STAT5B: variants seen among roughly 807,000 people sequenced by gnomAD.
The protein encoded by STAT5B is signal transducer and activator of transcription 5B, also known as transcription factor STAT5B.
Under a neutral mutation model 107.8 loss-of-function variants are expected in STAT5B, and 21 were observed. The ratio of observed to expected loss-of-function variants is 0.19; its 90% CI spans 0.14 to 0.28. STAT5B has a LOEUF of 0.28. Ranked by LOEUF, STAT5B falls within the 10% of genes least tolerant of loss-of-function variation. The pLI, the probability that STAT5B is intolerant of heterozygous loss-of-function variation, is 1.00. For missense variants in STAT5B, 565 were observed against 1,008.2 expected, an observed-to-expected ratio of 0.56 and a Z score of 5.95; for synonymous variants, 325 against 401.7, an observed-to-expected ratio of 0.81 and a Z score of 2.28.
chr17:42,262,995 TATATATATATATATATATATAA>T (rs1481203933), intron 1 of STAT5B, among the ~76,000 whole-genome samples: 2,938 of 68,860 alleles, frequency 0.043, 262 homozygotes, highest in East Asian at 0.25. Flanking sequence ...TATATATATA[TATATATATATATATATATATAA>T]AAAAACAAAA....
chr17:42,239,962 C>G (rs1399668845), intron 1 of STAT5B, among the ~76,000 whole-genome samples: 2 of 152,106 alleles, frequency 1.3e-5, no homozygotes, highest in Non-Finnish European at 2.9e-5. Flanking sequence ...CCCATCTCTA[C>G]TAAAAATTAA....
At chr17:42,230,506 C>T (rs1282632718) in intron 2 of STAT5B, among the ~76,000 whole-genome samples, 3 of 152,108 alleles carry the variant, frequency 2.0e-5, no homozygotes. Context: ...TGCTGTTAGT[C>T]GACTGCACTG....
In STAT5B at chr17:42,200,425, CAGA is replaced by C. The variant is rs1174494692; in HGVS notation, c.*1310_*1312del. The C allele has an allele frequency of 1.2e-4, 18 of 152,714 alleles. 1 individual carries two copies. Among genetic ancestry groups the C allele is most frequent in the South Asian group, 8.3e-4 (4 of 4,826 alleles). 9.5% of individuals were successfully genotyped at this position (152,714 alleles called of 1,614,324 possible). ...ATTCCTTCCTTCTGGTGTAAAGCTA[CAGA>C]AGAAGTCGTGGAACAAAATTATACC... On this transcript the variant is annotated 3_prime_UTR_variant, in exon 19 of 19. Coordinates refer to ENST00000293328, the MANE Select transcript of STAT5B (RefSeq NM_012448.4).
At position 42,202,437 on chromosome 17, in the gene STAT5B, C is replaced by T. The variant is rs752593400; in HGVS notation, c.2140G>A (p.Ala714Thr). ...CTGCCGCCCCCGGCATCTGCAGATG[C>T]GTTCACAAACCTGCAGAAGGAAGAG... is the stretch of plus-strand genomic sequence containing the variant. Reference protein sequence around the residue: ...IKQVVPEFVNASADAGGGSAT... With the variant: ...IKQVVPEFVNTSADAGGGSAT... The change falls in exon 18 of 19, where the codon GCA becomes ACA. Residue 714 changes from alanine to threonine, a missense_variant. Physicochemically the swap from Ala to Thr is moderately conservative, Grantham distance 58. Around this residue, in one of 11 missense-constraint regions of STAT5B, gnomAD observed 76 missense variants for 110.2 expected, o/e 0.69. Coordinates refer to ENST00000293328, the MANE Select transcript of STAT5B (RefSeq NM_012448.4). 17 of 1,614,032 alleles carry T rather than the reference C, an allele frequency of 1.1e-5. No homozygotes were observed. The highest frequency in any genetic ancestry group is 6.7e-5 in the Admixed American group (4 of 60,004).
chr17:42,285,396 G>T, the STAT5B span, among the ~76,000 whole-genome samples: 1 of 152,134 alleles, frequency 6.6e-6, no homozygotes, highest in African/African-American at 2.4e-5. Context: ...CTAGCCTGGG[G>T]AATATATTTC....
the STAT5B span, among the ~76,000 whole-genome samples, chr17:42,282,817 A>G: frequency 1.3e-5 from 2 of 152,266 alleles, no homozygotes; most frequent in South Asian, 4.1e-4. Flanking sequence ...CACTAACCCT[A>G]GGAAAGATGA....
intron 5 of STAT5B, among the ~76,000 whole-genome samples, chr17:42,222,075 G>A (rs111374125): frequency 0.011 from 1,571 of 143,366 alleles, 20 homozygotes; most frequent in African/African-American, 0.037. Context: ...GCTGTGTGTG[G>A]TGTGTGTGTG....
the STAT5B span, among the ~76,000 whole-genome samples, chr17:42,284,565 C>T: frequency 6.6e-6 from 1 of 152,228 alleles, no homozygotes; most frequent in Non-Finnish European, 1.5e-5. Context: ...CCATGCCCGG[C>T]CCTTTGGGAT....
intron 1 of STAT5B, among the ~76,000 whole-genome samples, chr17:42,261,221 T>C (rs1208351877): frequency 6.6e-6 from 1 of 152,122 alleles, no homozygotes; most frequent in Non-Finnish European, 1.5e-5. Flanking sequence ...AAACATAATT[T>C]TGAATTAAAC....
At chr17:42,257,445 T>C (rs1292208993) in intron 1 of STAT5B, among the ~76,000 whole-genome samples, 1 of 152,336 alleles carries the variant, frequency 6.6e-6, no homozygotes, top group South Asian at 2.1e-4. Context: ...AACCAGAACA[T>C]CTGTTCATCC....
the STAT5B span, among the ~76,000 whole-genome samples, chr17:42,282,706 A>C: frequency 1.3e-5 from 2 of 152,204 alleles, no homozygotes; most frequent in South Asian, 2.1e-4. Flanking sequence ...GAGGATGCTT[A>C]GATCCAAGAG....
intron 1 of STAT5B, among the ~76,000 whole-genome samples, chr17:42,238,886 G>C (rs1818091382): frequency 6.6e-6 from 1 of 151,974 alleles, no homozygotes; most frequent in Non-Finnish European, 1.5e-5. Context: ...GAATTGTGAA[G>C]GGTGAGGGTG....
At chr17:42,245,227 G>A (rs769447275) in intron 1 of STAT5B, among the ~76,000 whole-genome samples, 2 of 150,474 alleles carry the variant, frequency 1.3e-5, no homozygotes, top group East Asian at 2.0e-4. Flanking sequence ...ACAGGCACGC[G>A]CCACCATGCC....
At chr17:42,228,359 G>A (rs542237835) in intron 2 of STAT5B, among the ~76,000 whole-genome samples, 6 of 152,262 alleles carry the variant, frequency 3.9e-5, no homozygotes, top group African/African-American at 1.2e-4. Flanking sequence ...AACTGGTGAC[G>A]GGGGTTGGAT....
chr17:42,217,571 T>C (rs2144242706), intron 9 of STAT5B, 107 bp from the exon 10 acceptor site: 5 of 1,205,108 alleles, frequency 4.1e-6, no homozygotes, highest in Non-Finnish European at 6.0e-6. Flanking sequence ...TTGCTAAAAA[T>C]GTACGTCATT....
chr17:42,240,886 G>A (rs1207680783), intron 1 of STAT5B, among the ~76,000 whole-genome samples: 1 of 152,128 alleles, frequency 6.6e-6, no homozygotes, highest in South Asian at 2.1e-4. Flanking sequence ...TAATACTGAG[G>A]GGCTCTGATT....
intron 1 of STAT5B, among the ~76,000 whole-genome samples, chr17:42,260,712 T>C (rs529389854): frequency 6.6e-6 from 1 of 152,192 alleles, no homozygotes; most frequent in South Asian, 2.1e-4. Context: ...AATTTTTATA[T>C]TGATCAAATG....
chr17:42,253,662 G>A (rs1002625588), intron 1 of STAT5B, among the ~76,000 whole-genome samples: 2 of 152,128 alleles, frequency 1.3e-5, no homozygotes, highest in African/African-American at 4.8e-5. Context: ...ATAGGAGCCA[G>A]TCTTGGTTTT....
At chr17:42,262,942 ATGTGTG>A (rs755220447) in intron 1 of STAT5B, among the ~76,000 whole-genome samples, 850 of 45,338 alleles carry the variant, frequency 0.019, 32 homozygotes, top group African/African-American at 0.059. Context: ...ATGTATATAT[ATGTGTG>A]TGTGTGTGTG....
Sources: allele counts gnomAD v4.1 joint callset (sites outside exome capture counted in the v4.1 genomes callset), GRCh38; gene constraint gnomAD v4.1.1; regional missense constraint gnomAD v4.1.1; transcripts MANE v1.5; gene names NCBI Gene and HGNC (gene_info 2026-07-23, HGNC 2026-07-21).